SYNDIG1: variants seen among roughly 807,000 people sequenced by gnomAD.
SYNDIG1 encodes synapse differentiation inducing 1, also known as synapse differentiation-inducing gene protein 1.
SYNDIG1 carries 9 observed loss-of-function variants against 19.4 expected under a neutral mutation model. The ratio of observed to expected loss-of-function variants is 0.46; its 90% CI spans 0.28 to 0.81. SYNDIG1 has a LOEUF of 0.81. SYNDIG1 is among the 30% of genes least tolerant of loss of function. SYNDIG1 has a pLI of 0.12. For synonymous variants in SYNDIG1, 141 were observed against 145.9 expected (o/e 0.97, Z 0.24); for missense variants, 311 against 343.3 (o/e 0.91, Z 0.74).
intron 2 of SYNDIG1, among the ~76,000 whole-genome samples, chr20:24,576,086 G>A (rs1262095630): frequency 4.6e-5 from 7 of 152,258 alleles, no homozygotes; most frequent in South Asian, 2.1e-4. Context: ...GCTCTGTGAC[G>A]TCCCTCAAAA....
At chr20:24,505,022 A>G (rs1351845855) in intron 1 of SYNDIG1, among the ~76,000 whole-genome samples, 2 of 152,012 alleles carry the variant, frequency 1.3e-5, no homozygotes, top group Non-Finnish European at 2.9e-5. Flanking sequence ...TTCATGGAGG[A>G]GGTGGTGAAC....
At chr20:24,576,891 T>C (rs727409) in intron 2 of SYNDIG1, among the ~76,000 whole-genome samples, 111,205 of 152,046 alleles carry the variant, frequency 0.73, 41,412 homozygotes, top group African/African-American at 0.87. Flanking sequence ...CTCAGTTCTC[T>C]ACCTGACCCA....
chr20:24,581,047 G>A, intron 2 of SYNDIG1, among the ~76,000 whole-genome samples: 1 of 152,284 alleles, frequency 6.6e-6, no homozygotes, highest in Non-Finnish European at 1.5e-5. Flanking sequence ...TCAGAGTCCT[G>A]GCAGGGAGAG....
intron 3 of SYNDIG1, among the ~76,000 whole-genome samples, chr20:24,622,704 G>T (rs1276571413): frequency 6.6e-6 from 1 of 152,120 alleles, no homozygotes; most frequent in Non-Finnish European, 1.5e-5. Flanking sequence ...CCATGAAATT[G>T]GTCCCTGGTG....
chr20:24,635,881 G>T (rs139787253), intron 3 of SYNDIG1, among the ~76,000 whole-genome samples: 50 of 152,228 alleles, frequency 3.3e-4, no homozygotes, highest in African/African-American at 1.1e-3. Flanking sequence ...CCACTGTGGG[G>T]ACCCTCTCAC....
intron 1 of SYNDIG1, among the ~76,000 whole-genome samples, chr20:24,526,273 A>C (rs1321516350): frequency 6.6e-6 from 1 of 151,752 alleles, no homozygotes; most frequent in Non-Finnish European, 1.5e-5. Context: ...AATTTGGCCA[A>C]CTTTTTTTTT....
chr20:24,599,581 C>G (rs544059743), intron 3 of SYNDIG1, among the ~76,000 whole-genome samples: 4 of 152,102 alleles, frequency 2.6e-5, no homozygotes, highest in Non-Finnish European at 4.4e-5. Context: ...TGGAATCAAC[C>G]GAAGTGCCAA....
At position 24,555,686 on chromosome 20, in the gene SYNDIG1, C is replaced by A. The variant is rs1226758793; in HGVS notation, c.480+12109C>A. Among the ~76,000 whole-genome samples the A allele has an allele frequency of 2.0e-5, 3 of 152,182 alleles. No homozygotes were observed. The East Asian group carries it at 5.8e-4, about 29-fold the overall frequency. ...TCTGAGAGATAGTTTATTATAATTT[C>A]TGTTCTTTTACATTTGCTGAGGAGA... is the stretch of plus-strand genomic sequence containing the variant. On this transcript the variant is annotated intron_variant, in intron 2 of 3. Coordinates refer to ENST00000376862, the MANE Select transcript of SYNDIG1 (RefSeq NM_024893.3).
At chr20:24,661,900 G>A (rs1348749993) in intron 3 of SYNDIG1, among the ~76,000 whole-genome samples, 2 of 152,152 alleles carry the variant, frequency 1.3e-5, no homozygotes, top group East Asian at 1.9e-4. Flanking sequence ...GGCAGGGTGG[G>A]GGGTTCCACC....
At chr20:24,472,857 T>G (rs1194360140) in intron 1 of SYNDIG1, among the ~76,000 whole-genome samples, 9 of 152,218 alleles carry the variant, frequency 5.9e-5, no homozygotes, top group Non-Finnish European at 1.2e-4. Context: ...AGTCAGACTT[T>G]TGAATACCTT....
At chr20:24,574,994 C>T (rs2058204442) in intron 2 of SYNDIG1, among the ~76,000 whole-genome samples, 1 of 152,186 alleles carries the variant, frequency 6.6e-6, no homozygotes, top group Non-Finnish European at 1.5e-5. Context: ...TGAATGAATG[C>T]TTGTCTCCCT....
At chr20:24,638,862 C>G (rs77401205) in intron 3 of SYNDIG1, among the ~76,000 whole-genome samples, 1 of 152,312 alleles carries the variant, frequency 6.6e-6, no homozygotes, top group Non-Finnish European at 1.5e-5. Flanking sequence ...AGAGAGTGAG[C>G]ACACTGCACT....
intron 1 of SYNDIG1, among the ~76,000 whole-genome samples, chr20:24,480,723 C>T (rs752274794): frequency 4.6e-5 from 7 of 152,122 alleles, no homozygotes; most frequent in African/African-American, 9.7e-5. Context: ...TGGAAGCAAG[C>T]CAAGAGTCTA....
At chr20:24,604,492 C>T (rs561169981) in intron 3 of SYNDIG1, among the ~76,000 whole-genome samples, 9 of 152,258 alleles carry the variant, frequency 5.9e-5, no homozygotes, top group South Asian at 2.1e-4. Flanking sequence ...TTACATGCAC[C>T]GCCATGCTAA....
chr20:24,664,397 G>A (rs112752091), intron 3 of SYNDIG1, among the ~76,000 whole-genome samples: 5 of 152,258 alleles, frequency 3.3e-5, no homozygotes, highest in African/African-American at 7.2e-5. Context: ...TTCTGGAGAC[G>A]GCCATGAGAA....
At chr20:24,485,882 C>T (rs2055942647) in intron 1 of SYNDIG1, among the ~76,000 whole-genome samples, 1 of 152,196 alleles carries the variant, frequency 6.6e-6, no homozygotes, top group Non-Finnish European at 1.5e-5. Flanking sequence ...GATATCACAT[C>T]TGAGGTCAAG....
chr20:24,637,305 G>T (rs1475830228), intron 3 of SYNDIG1, among the ~76,000 whole-genome samples: 1 of 152,212 alleles, frequency 6.6e-6, no homozygotes, highest in East Asian at 1.9e-4. Context: ...AAGCCACATG[G>T]TAATTTACGA....
chr20:24,620,735 T>C (rs769460709), intron 3 of SYNDIG1, among the ~76,000 whole-genome samples: 4 of 152,254 alleles, frequency 2.6e-5, no homozygotes, highest in Admixed American at 1.3e-4. Context: ...ACAGCTGTAT[T>C]TCCAAGGATG....
chr20:24,661,485 G>GGAGGAGGGAGGGAGGAGGGAAGA (rs1373723699), intron 3 of SYNDIG1, among the ~76,000 whole-genome samples: 3 of 62,364 alleles, frequency 4.8e-5, no homozygotes, highest in Non-Finnish European at 8.1e-5. Flanking sequence ...GAAGAGGGAG[G>GGAGGAGGGAGGGAGGAGGGAAGA]AAGAAGGGAG....
Sources: allele counts gnomAD v4.1 joint callset (sites outside exome capture counted in the v4.1 genomes callset), GRCh38; gene constraint gnomAD v4.1.1; transcripts MANE v1.5; gene names NCBI Gene and HGNC (gene_info 2026-07-23, HGNC 2026-07-21).